MECOM: variants seen among roughly 807,000 people sequenced by gnomAD.
MECOM encodes histone-lysine N-methyltransferase MECOM.
In MECOM, 13 loss-of-function variants were observed where a neutral mutation model predicts 116.3. That is an observed-to-expected ratio of 0.11 (90% CI 0.07 to 0.18). MECOM has a LOEUF of 0.18. Among genes scored for constraint, MECOM ranks in the 10% least tolerant of loss-of-function variants. The pLI, the probability that MECOM is intolerant of heterozygous loss-of-function variation, is 1.00. For missense variants in MECOM, 1,299 were observed against 1,509.0 expected (o/e 0.86, Z 2.31); for synonymous variants, 528 against 535.2 (o/e 0.99, Z 0.19).
At chr3:169,416,938 C>T (rs555075238) in intron 1 of MECOM, among the ~76,000 whole-genome samples, 1 of 152,136 alleles carries the variant, frequency 6.6e-6, no homozygotes, top group Admixed American at 6.5e-5. Flanking sequence ...CTTCCTTACA[C>T]CTTATACAAA....
intron 2 of MECOM, among the ~76,000 whole-genome samples, chr3:169,241,512 C>T (rs1232195960): frequency 6.6e-6 from 1 of 152,016 alleles, no homozygotes; most frequent in East Asian, 1.9e-4. Context: ...ATGGAATGTA[C>T]CTTAAGCTAG....
chr3:169,278,427 A>G (rs1759879456), intron 2 of MECOM, among the ~76,000 whole-genome samples: 1 of 152,220 alleles, frequency 6.6e-6, no homozygotes, highest in Admixed American at 6.5e-5. Flanking sequence ...TAAACTTTAA[A>G]CCACAGTGAA....
intron 1 of MECOM, among the ~76,000 whole-genome samples, chr3:169,587,524 C>T (rs1262242938): frequency 6.6e-6 from 1 of 151,106 alleles, no homozygotes; most frequent in Non-Finnish European, 1.5e-5. Flanking sequence ...TCAGTGAAAG[C>T]TGGGGAAATC....
rs192604353 is a variant in MECOM at position 169,602,750 on chromosome 3, T to C, written c.37+60586A>G. Among the ~76,000 whole-genome samples, 12 of 152,266 alleles carry C rather than the reference T, an allele frequency of 7.9e-5. No homozygotes were observed. In the East Asian group the frequency reaches 2.3e-3, roughly 29 times the overall value. On this transcript the variant is annotated intron_variant, in intron 1 of 16. Coordinates refer to ENST00000651503, the MANE Select transcript of MECOM (RefSeq NM_004991.4). ...AACATTTAAAATAAATCTGAAGGCA[T>C]AGGGAGTTTCCAGACCCCACAGAGT...
At chr3:169,316,963 T>C (rs577284246) in intron 2 of MECOM, among the ~76,000 whole-genome samples, 1 of 152,312 alleles carries the variant, frequency 6.6e-6, no homozygotes, top group South Asian at 2.1e-4. Flanking sequence ...TCTCATTATA[T>C]TGGCAATCAC....
chr3:169,452,956 A>G (rs1745849969), intron 1 of MECOM, among the ~76,000 whole-genome samples: 1 of 152,228 alleles, frequency 6.6e-6, no homozygotes, highest in Non-Finnish European at 1.5e-5. Flanking sequence ...TTATACACAG[A>G]ACTTTAACTG....
chr3:169,403,615 G>A (rs1736220918), intron 1 of MECOM, among the ~76,000 whole-genome samples: 2 of 152,092 alleles, frequency 1.3e-5, no homozygotes. Flanking sequence ...TTTATTTTAT[G>A]GACTTATTTG....
chr3:169,587,564 A>G lies in MECOM; in HGVS notation c.37+75772T>C, dbSNP rs75298952. 0.017 allele frequency among the ~76,000 whole-genome samples: 2,561 copies of G among 151,978 alleles called. 239 individuals are homozygous for G. The East Asian group carries it at 0.29, about 17-fold the overall frequency. ...AAACCAGTTATTTGACACCTTGTAGAAAAAAAAGGGAGGGGAGATGCAAAT... is the reference window on the plus strand; with the variant it reads ...AAACCAGTTATTTGACACCTTGTAGGAAAAAAAGGGAGGGGAGATGCAAAT... On this transcript the variant is annotated intron_variant, in intron 1 of 16. Coordinates refer to ENST00000651503, the MANE Select transcript of MECOM (RefSeq NM_004991.4).
At chr3:169,448,358 T>C (rs1745003162) in intron 1 of MECOM, among the ~76,000 whole-genome samples, 1 of 152,192 alleles carries the variant, frequency 6.6e-6, no homozygotes, top group African/African-American at 2.4e-5. Context: ...ATGCTAAGCA[T>C]CTTCTATACA....
rs556756380 is a variant in MECOM at position 169,611,596 on chromosome 3, A to G, written c.37+51740T>C. The stretch of plus-strand genomic sequence containing the variant: ...AAGAATATTAACATGTCCTGTTTCC[A>G]TTGCTTTCCTTCTGACTTAAAGAGC... On this transcript the variant is annotated intron_variant, in intron 1 of 16. Coordinates refer to ENST00000651503, the MANE Select transcript of MECOM (RefSeq NM_004991.4). The surrounding 1 kb of genome is among the most constrained non-coding windows in gnomAD (Gnocchi z 4.1). Among the ~76,000 whole-genome samples the G allele has an allele frequency of 8.5e-5, 13 of 152,352 alleles. No homozygotes were observed. Among genetic ancestry groups the G allele is most frequent in the African/African-American group, 2.4e-4 (10 of 41,578 alleles).
At position 169,661,119 on chromosome 3, in the gene MECOM, T is replaced by C. The variant is rs191876235; in HGVS notation, c.37+2217A>G. 3.6e-3 allele frequency among the ~76,000 whole-genome samples: 541 copies of C among 152,366 alleles called. 2 individuals are homozygous for C. The highest frequency in any genetic ancestry group is 0.012 in the African/African-American group (507 of 41,586). On this transcript the variant is annotated intron_variant, in intron 1 of 16. Transcript: ENST00000651503. ...GAATATTTTAAGACGGCATCGTATG[T>C]CTTGCTTGGCAATTAAAATAGTTGA...
At position 169,399,278 on chromosome 3, in the gene MECOM, G is replaced by A. The variant is rs182068231; in HGVS notation, c.38-17754C>T. Among the ~76,000 whole-genome samples, 5 of 152,248 alleles carry A rather than the reference G, an allele frequency of 3.3e-5. No homozygotes were observed. In the South Asian group the frequency reaches 6.2e-4, roughly 19 times the overall value. ...TGTAATACAAAAATGTTAATTATGA[G>A]GAGTTTCGTTTTTGAAAGCTGTACT... On this transcript the variant is annotated intron_variant, in intron 1 of 16. Coordinates refer to ENST00000651503, the MANE Select transcript of MECOM (RefSeq NM_004991.4).
intron 2 of MECOM, among the ~76,000 whole-genome samples, chr3:169,226,736 CT>C: frequency 6.6e-6 from 1 of 152,298 alleles, no homozygotes; most frequent in Admixed American, 6.5e-5. Context: ...CAAAGGAGTT[CT>C]TCAGGTTTCA....
At chr3:169,596,564 T>C (rs1469905029) in intron 1 of MECOM, among the ~76,000 whole-genome samples, 1 of 152,216 alleles carries the variant, frequency 6.6e-6, no homozygotes, top group Non-Finnish European at 1.5e-5. Flanking sequence ...TATCACAATG[T>C]ACACATTACA....
rs558153610 is a variant in MECOM at position 169,515,567 on chromosome 3, G to A, written c.38-134043C>T. 2.8e-4 allele frequency among the ~76,000 whole-genome samples: 42 copies of A among 152,138 alleles called. 1 individual carries two copies. In the Middle Eastern group the frequency reaches 0.01, roughly 37 times the overall value. On this transcript the variant is annotated intron_variant, in intron 1 of 16. Transcript: ENST00000651503. The stretch of plus-strand genomic sequence containing the variant: ...ACCATACTACCTCCTGGGCCCTATC[G>A]AAGCTGAGATTCCAGAAGAGAATGA...
chr3:169,174,933 T>C (rs1744926614), intron 2 of MECOM, among the ~76,000 whole-genome samples: 2 of 152,134 alleles, frequency 1.3e-5, no homozygotes, highest in African/African-American at 4.8e-5. Context: ...AAACTCAGGC[T>C]TTTAAAATCA....
At chr3:169,437,744 A>G (rs562782220) in intron 1 of MECOM, among the ~76,000 whole-genome samples, 1 of 152,312 alleles carries the variant, frequency 6.6e-6, no homozygotes, top group South Asian at 2.1e-4. Context: ...TCCAGGTGCT[A>G]AAGGGGGTCT....
At chr3:169,495,738 CA>C (rs2108945215) in intron 1 of MECOM, among the ~76,000 whole-genome samples, 1 of 152,282 alleles carries the variant, frequency 6.6e-6, no homozygotes, top group African/African-American at 2.4e-5. Flanking sequence ...CAGTCACTCA[CA>C]AAAGCTCTTC....
At chr3:169,393,125 A>C (rs1734490397) in intron 1 of MECOM, among the ~76,000 whole-genome samples, 1 of 152,138 alleles carries the variant, frequency 6.6e-6, no homozygotes, top group Non-Finnish European at 1.5e-5. Context: ...CTGTGATACC[A>C]GTGAAACTCC....
Sources: gnomAD v4.1 joint callset for allele counts (sites outside exome capture counted in the v4.1 genomes callset) on GRCh38, gnomAD v4.1.1 for gene constraint, Gnocchi (gnomAD v3.1) non-coding constraint, MANE v1.5 for transcripts, NCBI Gene and HGNC (gene_info 2026-07-23, HGNC 2026-07-21) for gene names.